The following ACACB variants were observed in gnomAD, a reference collection of about 807,000 sequenced individuals.
ACACB encodes acetyl-CoA carboxylase beta.
A neutral mutation model predicts 278.8 loss-of-function variants in ACACB; 209 were observed. The ratio of observed to expected loss-of-function variants is 0.75; its 90% CI spans 0.67 to 0.84. The LOEUF is 0.84. ACACB is among the 40% of genes least tolerant of loss of function. The pLI, the probability that ACACB is intolerant of heterozygous loss-of-function variation, is 0.00. For synonymous variants in ACACB, 1,174 were observed against 1,285.6 expected (o/e 0.91, Z 1.86); for missense variants, 2,850 against 3,269.0 (o/e 0.87, Z 3.13).
chr12:109,132,470 G>T (rs983083862), intron 1 of ACACB, among the ~76,000 whole-genome samples: 2 of 152,130 alleles, frequency 1.3e-5, no homozygotes, highest in Non-Finnish European at 2.9e-5. Context: ...CGGTCCCATG[G>T]AGGTGTTTTA....
At chr12:109,214,962 G>C (rs2045950621) in intron 22 of ACACB, among the ~76,000 whole-genome samples, 1 of 152,086 alleles carries the variant, frequency 6.6e-6, no homozygotes, top group African/African-American at 2.4e-5. Context: ...CAGGCTTGGT[G>C]GTGGCCACCT....
intron 26 of ACACB, among the ~76,000 whole-genome samples, 193 bp from the exon 27 acceptor site, chr12:109,223,622 C>T (rs911515217): frequency 6.6e-6 from 1 of 152,060 alleles, no homozygotes; most frequent in African/African-American, 2.4e-5. Context: ...AAAAGAGCCA[C>T]GATGTTGGCG....
chr12:109,213,404 A>ATACTTGATAG (rs2136447339), intron 22 of ACACB, among the ~76,000 whole-genome samples: 1 of 152,220 alleles, frequency 6.6e-6, no homozygotes, highest in South Asian at 2.1e-4. Flanking sequence ...ACAAATAGTA[A>ATACTTGATAG]ATACTTGATA....
intron 49 of ACACB, chr12:109,263,793 A>C (rs1278185257): frequency 6.5e-6 from 1 of 153,920 alleles, no homozygotes; most frequent in Non-Finnish European, 1.4e-5. Flanking sequence ...ATTTCATCTT[A>C]AGTTGTCAAT....
At chr12:109,118,100 T>C (rs965548088) in intron 1 of ACACB, among the ~76,000 whole-genome samples, 5 of 152,200 alleles carry the variant, frequency 3.3e-5, no homozygotes, top group African/African-American at 1.2e-4. Context: ...GACATGGAGT[T>C]CTTTACAAGA....
chr12:109,174,789 G>C (rs1230582719), intron 7 of ACACB, among the ~76,000 whole-genome samples: 1 of 152,110 alleles, frequency 6.6e-6, no homozygotes, highest in African/African-American at 2.4e-5. Flanking sequence ...AGGGTGGCTT[G>C]AGCCTAGGAG....
At chr12:109,187,817 C>G (rs2044716052) in intron 12 of ACACB, among the ~76,000 whole-genome samples, 182 bp from the exon 13 acceptor site, 1 of 152,084 alleles carries the variant, frequency 6.6e-6, no homozygotes, top group South Asian at 2.1e-4. Flanking sequence ...TTGAGGAGCT[C>G]ATATGGGTAC....
chr12:109,197,926 G>T (rs1369246137), intron 17 of ACACB, among the ~76,000 whole-genome samples: 1 of 151,922 alleles, frequency 6.6e-6, no homozygotes, highest in Non-Finnish European at 1.5e-5. Context: ...AGAGGGTCTC[G>T]CTCTGTCACC....
intron 37 of ACACB, among the ~76,000 whole-genome samples, chr12:109,243,401 C>G (rs1565964525): frequency 6.6e-6 from 1 of 152,110 alleles, no homozygotes; most frequent in Admixed American, 6.5e-5. Flanking sequence ...GAGTTTAAGA[C>G]CAGCCTGGCC....
intron 1 of ACACB, chr12:109,125,651 C>T (rs1451896997): frequency 1.3e-5 from 2 of 152,196 alleles, no homozygotes; most frequent in African/African-American, 4.8e-5. Context: ...GTAGCACACT[C>T]TTTCATCAAT....
intron 11 of ACACB, among the ~76,000 whole-genome samples, chr12:109,185,081 A>G (rs2044608599): frequency 6.6e-6 from 1 of 152,110 alleles, no homozygotes; most frequent in Non-Finnish European, 1.5e-5. Flanking sequence ...CCTGCTACAC[A>G]TTTTGGCAGA....
At chr12:109,158,954 G>A (rs1252957856) in intron 2 of ACACB, among the ~76,000 whole-genome samples, 2 of 147,194 alleles carry the variant, frequency 1.4e-5, no homozygotes, top group Non-Finnish European at 3.0e-5. Flanking sequence ...CAGCCTGGGC[G>A]ACAGAGCAAG....
intron 6 of ACACB, 120 bp downstream of exon 6, chr12:109,172,476 C>G: frequency 2.2e-6 from 2 of 900,414 alleles, no homozygotes; most frequent in Non-Finnish European, 3.5e-6. Flanking sequence ...TCCCACCTCA[C>G]ACTTCTGTCG....
intron 1 of ACACB, among the ~76,000 whole-genome samples, chr12:109,135,973 C>G (rs1167742629): frequency 6.6e-6 from 1 of 151,854 alleles, no homozygotes; most frequent in African/African-American, 2.4e-5. Context: ...CCATGCCTGG[C>G]TAAATTTTTT....
intron 49 of ACACB, chr12:109,262,950 T>TTTTTTATATA (rs1346750205): frequency 1.6e-5 from 1 of 62,470 alleles, no homozygotes; most frequent in Admixed American, 2.3e-4. Flanking sequence ...CTTTTTAACA[T>TTTTTTATATA]TATATATATA....
chr12:109,209,254 A>AG lies in ACACB; in HGVS notation c.3152dup (p.Arg1052ProfsTer49). The AG allele has an allele frequency of 1.9e-6, 3 of 1,611,842 alleles. No homozygotes were observed. Among genetic ancestry groups the AG allele is most frequent in the Non-Finnish European group, 2.5e-6 (3 of 1,179,738 alleles). On this transcript the variant is annotated frameshift_variant, in exon 21 of 53. Coordinates refer to ENST00000338432, the MANE Select transcript of ACACB (RefSeq NM_001093.4). LOFTEE classifies it high-confidence loss of function. ...TGCAGGAGATCATGACCAGCGTGGC[A>AG]GGCCGCATCCCCGCCCCTGTGGAGA...
In ACACB at chr12:109,241,372, C is replaced by T. The variant is rs1210902606; in HGVS notation, c.5022+91C>T. ...TGTAGATTAAGATGGCATTTGGAGGCGGTCTTGCCTTGCTCTCCCATGTCA... is the reference window on the plus strand; with the variant it reads ...TGTAGATTAAGATGGCATTTGGAGGTGGTCTTGCCTTGCTCTCCCATGTCA... On this transcript the variant is annotated intron_variant, in intron 36 of 52. Coordinates refer to ENST00000338432, the MANE Select transcript of ACACB (RefSeq NM_001093.4). The T allele has an allele frequency of 1.3e-5, 17 of 1,349,512 alleles. No homozygotes were observed. The South Asian group carries it at 1.8e-4, about 14-fold the overall frequency. 83.6% of individuals were successfully genotyped at this position (1,349,512 alleles called of 1,614,324 possible).
intron 16 of ACACB, among the ~76,000 whole-genome samples, chr12:109,196,777 G>A (rs1298971233): frequency 1.3e-5 from 2 of 152,122 alleles, no homozygotes; most frequent in East Asian, 1.9e-4. Context: ...CTATATAAGC[G>A]GCCATTAGCC....
intron 18 of ACACB, 95 bp from the exon 19 acceptor site, chr12:109,201,472 T>C (rs2045328246): frequency 1.4e-6 from 2 of 1,478,306 alleles, no homozygotes; most frequent in African/African-American, 1.4e-5. Flanking sequence ...CTGGGTAGTG[T>C]CCCGGCGCGT....
Sources: gnomAD v4.1 joint callset for allele counts (sites outside exome capture counted in the v4.1 genomes callset) on GRCh38, gnomAD v4.1.1 for gene constraint, MANE v1.5 for transcripts, NCBI Gene and HGNC (gene_info 2026-07-23, HGNC 2026-07-21) for gene names.